ERCC6: variants seen among roughly 807,000 people sequenced by gnomAD.
ERCC6 encodes DNA excision repair protein ERCC-6.
A neutral mutation model predicts 158.7 loss-of-function variants in ERCC6; 116 were observed. That is an observed-to-expected ratio of 0.73 (90% CI 0.63 to 0.85). The LOEUF (loss-of-function observed/expected upper bound fraction) is 0.85. ERCC6 is among the 40% of genes least tolerant of loss of function. ERCC6 has a pLI of 0.00. For synonymous variants in ERCC6, 678 were observed against 659.3 expected (o/e 1.03, Z -0.43); for missense variants, 1,698 against 1,799.4 (o/e 0.94, Z 1.02).
At chr10:49,501,009 CTAT>C (rs1851347137) in intron 6 of ERCC6, 1 of 268,022 alleles carries the variant, frequency 3.7e-6, no homozygotes, top group East Asian at 9.0e-5. Context: ...CATAAACTTA[CTAT>C]TTTTTACTCA....
intron 5 of ERCC6, chr10:49,515,865 C>T (rs746395860): frequency 5.6e-6 from 9 of 1,614,070 alleles, no homozygotes; most frequent in Non-Finnish European, 7.6e-6. Context: ...AGTGACAACA[C>T]TGTTATCATT....
Position 49,528,452 on chromosome 10 carries a change from A to G in ERCC6, c.617T>C (p.Ile206Thr), listed in dbSNP as rs1441314089. The change falls in exon 4 of 21, where the codon ATT (isoleucine) becomes ACT (threonine). Residue 206 changes from isoleucine (I) to threonine (T), a missense_variant. Coordinates refer to ENST00000355832, the MANE Select transcript of ERCC6 (RefSeq NM_000124.4). ...QAILGGAEVK[I>T]ELDHASLEED... The stretch of plus-strand genomic sequence containing the variant: ...CTCCAGACTGGCGTGATCTAGTTCA[A>G]TTTTCACCTCTGCTCCTCCAAGGAT... 2.0e-5 allele frequency: 33 copies of G among 1,614,010 alleles called. No homozygotes were observed. The highest frequency in any genetic ancestry group is 2.7e-5 in the Non-Finnish European group (32 of 1,180,020).
intron 18 of ERCC6, among the ~76,000 whole-genome samples, chr10:49,465,145 A>T (rs571121931): frequency 6.6e-6 from 1 of 152,350 alleles, no homozygotes; most frequent in South Asian, 2.1e-4. Flanking sequence ...GAGCTGCCCA[A>T]GACCATAGGA....
At chr10:49,516,211 T>G (rs1836956554) in intron 5 of ERCC6, 1 of 1,614,050 alleles carries the variant, frequency 6.2e-7, no homozygotes. Context: ...CCCAGACAGG[T>G]GGCACCACAC....
At chr10:49,489,736 A>G (rs908024243) in intron 8 of ERCC6, among the ~76,000 whole-genome samples, 1 of 152,158 alleles carries the variant, frequency 6.6e-6, no homozygotes, top group East Asian at 1.9e-4. Flanking sequence ...CTTCCAATAA[A>G]TTGAAAAAAA....
intron 1 of ERCC6, among the ~76,000 whole-genome samples, chr10:49,537,018 C>T (rs1228110352): frequency 6.6e-6 from 1 of 152,186 alleles, no homozygotes; most frequent in African/African-American, 2.4e-5. Flanking sequence ...AACCAGAAGG[C>T]TCTTATCAGG....
intron 3 of ERCC6, 98 bp downstream of exon 3, chr10:49,530,622 T>G: frequency 6.5e-7 from 1 of 1,546,968 alleles, no homozygotes; most frequent in South Asian, 1.2e-5. Context: ...AGTATTTGCT[T>G]CACATCTTAT....
chr10:49,487,655 C>A (rs1294949700), intron 8 of ERCC6, among the ~76,000 whole-genome samples: 4 of 152,126 alleles, frequency 2.6e-5, no homozygotes, highest in Non-Finnish European at 4.4e-5. Flanking sequence ...GTAGCTGGAG[C>A]TTTCCCACAG....
intron 5 of ERCC6, among the ~76,000 whole-genome samples, chr10:49,511,499 A>G (rs1836817858): frequency 6.6e-6 from 1 of 151,136 alleles, no homozygotes; most frequent in African/African-American, 2.4e-5. Context: ...ATCTCAGCTC[A>G]CTGCAACCTC....
Position 49,473,549 on chromosome 10 carries a change from C to T in ERCC6, c.2637G>A (p.Lys879=). ...DILEVFLRAQ[K]YTYLKMDGTT... is the part of the protein sequence containing the mutation. The stretch of plus-strand genomic sequence containing the variant: ...TACCATCCATCTTGAGATAGGTATA[C>T]TTTTGGGCTCTAAGGAATACTTCAA... Residue 879 remains lysine, a synonymous_variant, in exon 14 of 21, where the codon AAG becomes AAA. Transcript: ENST00000355832. The T allele has an allele frequency of 1.9e-6, 3 of 1,613,242 alleles. No individual in the cohort carries two copies. The highest frequency in any genetic ancestry group is 2.5e-6 in the Non-Finnish European group (3 of 1,179,198).
intron 5 of ERCC6, among the ~76,000 whole-genome samples, chr10:49,521,498 GC>G (rs1837161645): frequency 6.6e-6 from 1 of 152,212 alleles, no homozygotes; most frequent in Non-Finnish European, 1.5e-5. Flanking sequence ...ACAACCAACA[GC>G]CATAAGCAAA....
the ERCC6 span, among the ~76,000 whole-genome samples, chr10:49,449,053 A>G: frequency 6.6e-6 from 1 of 152,214 alleles, no homozygotes; most frequent in African/African-American, 2.4e-5. Context: ...GAGAAATTGC[A>G]ACTGTTTTCT....
At chr10:49,510,772 A>T (rs924032768) in intron 5 of ERCC6, among the ~76,000 whole-genome samples, 2 of 152,178 alleles carry the variant, frequency 1.3e-5, no homozygotes, top group African/African-American at 4.8e-5. Flanking sequence ...CAGACAGAGA[A>T]GCGTGACTTG....
At chr10:49,468,229 G>A (rs1237252053) in intron 18 of ERCC6, among the ~76,000 whole-genome samples, 2 of 152,204 alleles carry the variant, frequency 1.3e-5, no homozygotes, top group African/African-American at 4.8e-5. Context: ...GACCTGTGGG[G>A]TTCTCTCCCT....
At chr10:49,472,712 C>T in intron 15 of ERCC6, 197 bp downstream of exon 15, 2 of 746,776 alleles carry the variant, frequency 2.7e-6, no homozygotes, top group East Asian at 2.7e-5. Context: ...GGAATGAATG[C>T]TATGGATAAA....
Position 49,474,054 on chromosome 10 carries a change from T to C in ERCC6, c.2571A>G (p.Arg857=). ...LLKIWHKQGQ[R]VLLFSQSRQM... is the part of the protein sequence containing the mutation. ...GCCTTGACTGAGAAAACAGCAATACTCGCTGACCCTGCTTGTGCCATATTT... is the reference window on the plus strand; with the variant it reads ...GCCTTGACTGAGAAAACAGCAATACCCGCTGACCCTGCTTGTGCCATATTT... The change falls in exon 13 of 21, where the codon CGA becomes CGG. Residue 857 remains arginine (R), a synonymous_variant. Transcript: ENST00000355832. 1 of 1,614,102 alleles carries C rather than the reference T, an allele frequency of 6.2e-7. No homozygotes were observed. The highest frequency in any genetic ancestry group is 8.5e-7 in the Non-Finnish European group (1 of 1,180,022).
At chr10:49,474,351 C>G in intron 12 of ERCC6, 109 bp from the exon 13 acceptor site, 1 of 813,928 alleles carries the variant, frequency 1.2e-6, no homozygotes, top group Non-Finnish European at 2.1e-6. Context: ...CAGTTCTCCA[C>G]CAGCTTCTTA....
intron 4 of ERCC6, among the ~76,000 whole-genome samples, chr10:49,526,827 A>G (rs551829197): frequency 2.6e-4 from 40 of 152,288 alleles, no homozygotes; most frequent in South Asian, 1.7e-3. Context: ...GAGAGATATA[A>G]TAGGAACCAG....
chr10:49,471,405 A>G (rs1215026390), intron 16 of ERCC6, among the ~76,000 whole-genome samples: 3 of 152,196 alleles, frequency 2.0e-5, no homozygotes, highest in East Asian at 1.9e-4. Context: ...ACCTTTTCAC[A>G]TGCCATCATG....
Sources: allele counts gnomAD v4.1 joint callset (sites outside exome capture counted in the v4.1 genomes callset), GRCh38; gene constraint gnomAD v4.1.1; transcripts MANE v1.5; gene names NCBI Gene and HGNC (gene_info 2026-07-23, HGNC 2026-07-21).